Variants in PIGN observed in about 807,000 individuals in gnomAD.
The protein encoded by PIGN is GPI ethanolamine phosphate transferase 1.
In PIGN, 117 loss-of-function variants were observed where a neutral mutation model predicts 125.4. That is an observed-to-expected ratio of 0.93 (90% CI 0.80 to 1.09). PIGN has a LOEUF of 1.09. PIGN is among the 50% of genes least tolerant of loss of function. The pLI is 0.00. For missense variants in PIGN, 1,075 were observed against 1,094.9 expected (o/e 0.98, Z 0.26); for synonymous variants, 392 against 377.8 (o/e 1.04, Z -0.44).
At chr18:62,151,476 C>T (rs1047337594) in intron 7 of PIGN, among the ~76,000 whole-genome samples, 1 of 152,126 alleles carries the variant, frequency 6.6e-6, no homozygotes, top group South Asian at 2.1e-4. Flanking sequence ...GGAAAGAAAG[C>T]CTCGGATAGG....
At chr18:62,176,899 G>T (rs2037544219) in intron 1 of PIGN, among the ~76,000 whole-genome samples, 1 of 151,930 alleles carries the variant, frequency 6.6e-6, no homozygotes, top group South Asian at 2.1e-4. Flanking sequence ...TGAGTAAAGG[G>T]TGTACTGGAA....
intron 23 of PIGN, among the ~76,000 whole-genome samples, chr18:62,029,058 G>A (rs1052183133): frequency 2.0e-5 from 3 of 152,192 alleles, no homozygotes; most frequent in African/African-American, 7.2e-5. Flanking sequence ...GAGGCCAGTG[G>A]TGCCTGGTGA....
At chr18:62,146,823 T>C (rs2036346977) in intron 9 of PIGN, 148 bp downstream of exon 9, 4 of 704,846 alleles carry the variant, frequency 5.7e-6, no homozygotes, top group African/African-American at 1.8e-5. Context: ...TCAGTTGTTT[T>C]TTAGGCTAAC....
intron 1 of PIGN, among the ~76,000 whole-genome samples, chr18:62,181,117 T>C (rs2037702074): frequency 6.6e-6 from 1 of 152,070 alleles, no homozygotes; most frequent in Non-Finnish European, 1.5e-5. Flanking sequence ...TATGATAAAA[T>C]TACACATCAG....
At chr18:62,033,374 T>TA (rs1434960223) in intron 23 of PIGN, among the ~76,000 whole-genome samples, 1 of 152,162 alleles carries the variant, frequency 6.6e-6, no homozygotes, top group Admixed American at 6.5e-5. Context: ...CTGTATGAAA[T>TA]AAAAAAACTG....
At chr18:62,130,031 G>C (rs1309164709) in intron 14 of PIGN, among the ~76,000 whole-genome samples, 3 of 152,146 alleles carry the variant, frequency 2.0e-5, no homozygotes, top group African/African-American at 7.2e-5. Context: ...GACAGAGATA[G>C]AGAGTAGAAT....
At chr18:62,115,136 T>C (rs2035039301) in intron 14 of PIGN, among the ~76,000 whole-genome samples, 1 of 152,182 alleles carries the variant, frequency 6.6e-6, no homozygotes, top group South Asian at 2.1e-4. Context: ...ATGAATAATT[T>C]GAACGTATTT....
At position 62,139,141 on chromosome 18, in the gene PIGN, AAC is replaced by A. The variant is rs1352728910; in HGVS notation, c.1024-68_1024-67del. 5 of 910,474 alleles carry A rather than the reference AAC, an allele frequency of 5.5e-6. No homozygotes were observed. The African/African-American group carries it at 6.6e-5, about 12-fold the overall frequency. 56.4% of individuals were successfully genotyped at this position (910,474 alleles called of 1,614,324 possible). A position where few individuals can be genotyped will look rare whatever the true frequency, so the allele number is the denominator to read the frequency against. On this transcript the variant is annotated intron_variant, in intron 12 of 30. Transcript: ENST00000640252. The stretch of plus-strand genomic sequence containing the variant: ...AGCTCAGGCTATCCTTATAAAACAA[AAC>A]AGACTTAAAAGCAATAAAGATAAGG...
intron 6 of PIGN, among the ~76,000 whole-genome samples, chr18:62,156,775 T>C (rs773363014): frequency 6.6e-6 from 1 of 152,196 alleles, no homozygotes; most frequent in Non-Finnish European, 1.5e-5. Context: ...CATAATTTAA[T>C]TATAAAAATA....
At chr18:62,137,022 T>C (rs1323089502) in intron 14 of PIGN, 1 of 398,442 alleles carries the variant, frequency 2.5e-6, no homozygotes, top group East Asian at 3.6e-5. Context: ...TCTGTGACAT[T>C]GTTGCCAAAG....
chr18:62,144,755 C>G lies in PIGN; in HGVS notation c.922+1154G>C, dbSNP rs137918422. 3.5e-4 allele frequency among the ~76,000 whole-genome samples: 54 copies of G among 152,268 alleles called. No individual in the cohort carries two copies. The South Asian group carries it at 7.5e-3, about 21-fold the overall frequency. Reference sequence around the variant, plus strand: ...ATATATGCAGGTAAAATTCATAAAGCTATACATTTAAAACCAATGCATTTT... The same window carrying G: ...ATATATGCAGGTAAAATTCATAAAGGTATACATTTAAAACCAATGCATTTT... On this transcript the variant is annotated intron_variant, in intron 10 of 30. Transcript: ENST00000640252.
downstream of PIGN, among the ~76,000 whole-genome samples, chr18:62,040,490 A>G (rs1358556890): frequency 1.3e-5 from 2 of 152,202 alleles, no homozygotes; most frequent in Non-Finnish European, 2.9e-5. Context: ...GTTTATGAGC[A>G]CTGGGGAGGA....
chr18:62,109,500 C>G (rs1474054967), intron 17 of PIGN, among the ~76,000 whole-genome samples: 1 of 152,132 alleles, frequency 6.6e-6, no homozygotes, highest in East Asian at 1.9e-4. Flanking sequence ...GATGATGACA[C>G]AAGTTCAAAA....
At chr18:62,040,209 A>G (rs1160072340), downstream of PIGN, among the ~76,000 whole-genome samples, 4 of 111,386 alleles carry the variant, frequency 3.6e-5, no homozygotes, top group Non-Finnish European at 7.3e-5. Flanking sequence ...GGCCCCATCC[A>G]GGGTGCCGCA....
rs773238778 is a variant in PIGN, at chr18:62,025,498, T to C, written c.2143-7757A>G. Among the ~76,000 whole-genome samples, 81 of 152,046 alleles carry C rather than the reference T, an allele frequency of 5.3e-4. 1 individual carries two copies. Among genetic ancestry groups the C allele is most frequent in the African/African-American group, 1.9e-3 (80 of 41,396 alleles). ...TAGCAAACATAATGAGAGAGGCAAA[T>C]AGCAAGAGATGAAGCTGGAAGCACA... On this transcript the variant is annotated intron_variant, in intron 23 of 24. Transcript: ENST00000639600.
At chr18:62,100,749 A>G (rs2034403928) in intron 22 of PIGN, among the ~76,000 whole-genome samples, 1 of 152,224 alleles carries the variant, frequency 6.6e-6, no homozygotes, top group Non-Finnish European at 1.5e-5. Context: ...CAGAGAATTT[A>G]TGAATTGGCA....
chr18:62,047,056 C>T (rs188525653), intron 30 of PIGN, among the ~76,000 whole-genome samples: 15 of 152,300 alleles, frequency 9.8e-5, no homozygotes, highest in African/African-American at 3.6e-4. Flanking sequence ...AGCCTATGCT[C>T]GCAGCTAAGG....
At chr18:62,105,506 G>T in intron 20 of PIGN, 37 bp downstream of exon 20, 1 of 1,175,962 alleles carries the variant, frequency 8.5e-7, no homozygotes, top group Non-Finnish European at 1.2e-6. Context: ...AAAAAAAAGT[G>T]TATTGAAAAT....
In PIGN at chr18:62,027,929, G is replaced by GAAAGA. The variant is rs371338074; in HGVS notation, c.2143-10193_2143-10189dup. On this transcript the variant is annotated intron_variant, in intron 23 of 24. Transcript: ENST00000639600. ...CTCAATAAAAAAAGAAAAAAAGAAA[G>GAAAGA]AAAGAAAAGAAAAGAAAAAGAAAAA... is the stretch of plus-strand genomic sequence containing the variant. Among the ~76,000 whole-genome samples, 339 of 152,092 alleles carry GAAAGA rather than the reference G, an allele frequency of 2.2e-3. 1 individual carries two copies. The highest frequency in any genetic ancestry group is 6.7e-3 in the African/African-American group (276 of 41,470).
Sources: allele counts gnomAD v4.1 joint callset (sites outside exome capture counted in the v4.1 genomes callset), GRCh38; gene constraint gnomAD v4.1.1; transcripts MANE v1.5; gene names NCBI Gene and HGNC (gene_info 2026-07-23, HGNC 2026-07-21).